Variants in PALLD observed in about 807,000 individuals in gnomAD.
PALLD encodes the protein palladin.
PALLD carries 61 observed loss-of-function variants against 123.5 expected under a neutral mutation model. The ratio of observed to expected loss-of-function variants is 0.49; its 90% CI spans 0.40 to 0.61. PALLD has a LOEUF of 0.61. Ranked by LOEUF, PALLD falls within the 20% of genes least tolerant of loss-of-function variation. The probability of loss-of-function intolerance (pLI) is 0.00; values close to 1 mark genes in which losing one functional copy is unlikely to be tolerated. For synonymous variants in PALLD, 465 were observed against 496.4 expected (o/e 0.94, Z 0.84); for missense variants, 1,273 against 1,377.0 (o/e 0.92, Z 1.20).
At chr4:168,898,340 GT>G (rs1755713063) in intron 13 of PALLD, 152 bp from the exon 14 acceptor site, 1 of 664,316 alleles carries the variant, frequency 1.5e-6, no homozygotes, top group African/African-American at 1.8e-5. Flanking sequence ...GATGTTTTTT[GT>G]TTCATATGCA....
intron 12 of PALLD, among the ~76,000 whole-genome samples, chr4:168,895,980 C>T (rs907088308): frequency 1.3e-5 from 2 of 152,128 alleles, no homozygotes; most frequent in African/African-American, 2.4e-5. Flanking sequence ...AGGCCAAGAC[C>T]GGGTGGATTA....
chr4:168,814,772 G>C (rs1741667840), intron 10 of PALLD, among the ~76,000 whole-genome samples: 2 of 152,034 alleles, frequency 1.3e-5, no homozygotes, highest in African/African-American at 2.4e-5. Flanking sequence ...AATCTTTTCT[G>C]TTTGTTTGTT....
chr4:168,731,881 A>C (rs1010205510), intron 10 of PALLD, among the ~76,000 whole-genome samples: 1 of 152,236 alleles, frequency 6.6e-6, no homozygotes, highest in Non-Finnish European at 1.5e-5. Flanking sequence ...TGTGGGCTAC[A>C]AAAGATTGAT....
chr4:168,719,252 C>CTTTTT lies in PALLD; in HGVS notation c.1964+7348_1964+7352dup, dbSNP rs869040811. Among the ~76,000 whole-genome samples, 414 of 85,596 alleles carry CTTTTT rather than the reference C, an allele frequency of 4.8e-3. 6 individuals are homozygous for CTTTTT. Among genetic ancestry groups the CTTTTT allele is most frequent in the South Asian group, 0.018 (35 of 1,932 alleles). 56.2% of individuals were successfully genotyped at this position (85,596 alleles called of 152,430 possible). On this transcript the variant is annotated intron_variant, in intron 10 of 21. Transcript: ENST00000505667. ...CTAAGTAATTATCAAAAGTAATCTTCTTTTTTTTTTTTTTTTTTTTTTTGA... is the reference window on the plus strand; with the variant it reads ...CTAAGTAATTATCAAAAGTAATCTTCTTTTTTTTTTTTTTTTTTTTTTTTTTTTGA...
intron 17 of PALLD, among the ~76,000 whole-genome samples, chr4:168,917,794 T>G (rs191501278): frequency 6.6e-6 from 1 of 152,316 alleles, no homozygotes; most frequent in East Asian, 1.9e-4. Flanking sequence ...TCAGTCTGTA[T>G]ATATTTTATA....
chr4:168,905,452 A>T (rs1257303165), intron 15 of PALLD, among the ~76,000 whole-genome samples: 1 of 151,218 alleles, frequency 6.6e-6, no homozygotes, highest in African/African-American at 2.4e-5. Context: ...CCGGCCTGAG[A>T]CTCTGTTTCT....
At chr4:168,691,238 T>C in intron 7 of PALLD, 31 bp from the exon 8 acceptor site, 1 of 1,556,136 alleles carries the variant, frequency 6.4e-7, no homozygotes. Flanking sequence ...TAATACTTTG[T>C]TCTAATTTAT....
chr4:168,738,902 C>T (rs373240114), intron 10 of PALLD, among the ~76,000 whole-genome samples: 1 of 152,016 alleles, frequency 6.6e-6, no homozygotes, highest in South Asian at 2.1e-4. Context: ...AATTATAAAG[C>T]TTTCTTAGAA....
chr4:168,827,395 C>G (rs1257151570), intron 10 of PALLD, among the ~76,000 whole-genome samples: 1 of 152,142 alleles, frequency 6.6e-6, no homozygotes, highest in Non-Finnish European at 1.5e-5. Flanking sequence ...AAAATAATTA[C>G]TAGTTGTTGA....
intron 10 of PALLD, among the ~76,000 whole-genome samples, chr4:168,890,663 C>T (rs1754024906): frequency 6.6e-6 from 1 of 152,036 alleles, no homozygotes; most frequent in South Asian, 2.1e-4. Context: ...AAATGTAGGC[C>T]TTCCCCATCC....
At chr4:168,651,851 CTT>C (rs1199858125) in intron 2 of PALLD, among the ~76,000 whole-genome samples, 1 of 152,130 alleles carries the variant, frequency 6.6e-6, no homozygotes, top group Admixed American at 6.5e-5. Flanking sequence ...AATTTTATCT[CTT>C]ATTGAAAAGA....
intron 10 of PALLD, among the ~76,000 whole-genome samples, chr4:168,743,865 G>T (rs1250602885): frequency 2.6e-5 from 4 of 152,104 alleles, no homozygotes; most frequent in Non-Finnish European, 5.9e-5. Flanking sequence ...ACATCTCCCA[G>T]ATTTTCCAAA....
At chr4:168,856,605 A>C (rs1748644280) in intron 10 of PALLD, among the ~76,000 whole-genome samples, 1 of 152,198 alleles carries the variant, frequency 6.6e-6, no homozygotes, top group Non-Finnish European at 1.5e-5. Flanking sequence ...AGTGATGCTG[A>C]GCATTTTTTC....
intron 11 of PALLD, 53 bp from the exon 12 acceptor site, chr4:168,894,526 C>A: frequency 9.2e-7 from 1 of 1,092,130 alleles, no homozygotes; most frequent in Non-Finnish European, 1.4e-6. Flanking sequence ...TAGGGCAGTA[C>A]ATATTTGTGA....
chr4:168,711,688 G>A lies in PALLD; in HGVS notation c.1729G>A (p.Ala577Thr). The A allele has an allele frequency of 5.0e-6, 8 of 1,614,082 alleles. No individual in the cohort carries two copies. Among genetic ancestry groups the A allele is most frequent in the Non-Finnish European group, 6.8e-6 (8 of 1,179,986 alleles). ...CTTGGAGACAAGTTCCTTGGAGTTG[G>A]CTTCAAAGAAACCATCTGAGATCCA... ...PILETSSLEL[A>T]SKKPSEIQQV... The change falls in exon 10 of 22, where the codon GCT (alanine) becomes ACT (threonine). Residue 577 changes from alanine to threonine, a missense_variant. Coordinates refer to ENST00000505667, the MANE Select transcript of PALLD (RefSeq NM_001166108.2).
intron 10 of PALLD, among the ~76,000 whole-genome samples, chr4:168,775,832 A>G (rs529768699): frequency 6.6e-6 from 1 of 152,126 alleles, no homozygotes; most frequent in Middle Eastern, 3.2e-3. Flanking sequence ...AACTTTGTCA[A>G]AATTGGTTGT....
chr4:168,913,597 A>G (rs988704264), intron 15 of PALLD, among the ~76,000 whole-genome samples: 6 of 152,056 alleles, frequency 3.9e-5, no homozygotes, highest in African/African-American at 1.5e-4. Context: ...ATATTTTACA[A>G]TTCAACATCA....
chr4:168,658,275 T>C (rs899536551), intron 2 of PALLD, among the ~76,000 whole-genome samples: 1 of 145,456 alleles, frequency 6.9e-6, no homozygotes, highest in African/African-American at 2.6e-5. Context: ...TGGTGGTGGG[T>C]TTTTATTTGG....
chr4:168,758,995 T>C (rs1414979909), intron 10 of PALLD, among the ~76,000 whole-genome samples: 2 of 150,918 alleles, frequency 1.3e-5, no homozygotes, highest in Non-Finnish European at 2.9e-5. Context: ...GCCAACATGG[T>C]GAAACCCCGT....
Sources: gnomAD v4.1 joint callset for allele counts (sites outside exome capture counted in the v4.1 genomes callset) on GRCh38, gnomAD v4.1.1 for gene constraint, MANE v1.5 for transcripts, NCBI Gene and HGNC (gene_info 2026-07-23, HGNC 2026-07-21) for gene names.